Variants in CCPG1 observed in about 807,000 individuals in gnomAD.
CCPG1 encodes the protein cell cycle progression 1.
CCPG1 carries 46 observed loss-of-function variants against 81.3 expected under a neutral mutation model. The observed-to-expected ratio is 0.57, with a 90% CI of 0.45 to 0.72. CCPG1 has a LOEUF of 0.72. Among genes scored for constraint, CCPG1 ranks in the 30% least tolerant of loss-of-function variants. The pLI is 0.00. For missense variants in CCPG1, 902 were observed against 937.6 expected (o/e 0.96, Z 0.50); for synonymous variants, 330 against 305.2 (o/e 1.08, Z -0.85).
chr15:55,379,332 GGGC>G (rs2056632306), intron 3 of CCPG1, among the ~76,000 whole-genome samples: 1 of 151,830 alleles, frequency 6.6e-6, no homozygotes, highest in Non-Finnish European at 1.5e-5. Context: ...AGACCAGCCT[GGGC>G]AACACAGCAA....
intron 6 of CCPG1, among the ~76,000 whole-genome samples, chr15:55,370,542 G>C (rs2056424661): frequency 6.6e-6 from 1 of 152,160 alleles, no homozygotes; most frequent in African/African-American, 2.4e-5. Flanking sequence ...TATAATCCCA[G>C]CACTCTGGGA....
intron 2 of CCPG1, among the ~76,000 whole-genome samples, chr15:55,387,433 T>A (rs1161226059): frequency 6.6e-6 from 1 of 152,254 alleles, no homozygotes. Context: ...ATAGATGCTT[T>A]TAAATTTTGA....
At chr15:55,376,119 C>T (rs2056559769) in intron 5 of CCPG1, among the ~76,000 whole-genome samples, 1 of 152,142 alleles carries the variant, frequency 6.6e-6, no homozygotes, top group East Asian at 1.9e-4. Context: ...TAGATACTAC[C>T]TGTTTCCTGT....
At chr15:55,380,722 C>A (rs1411291312) in intron 3 of CCPG1, among the ~76,000 whole-genome samples, 1 of 151,848 alleles carries the variant, frequency 6.6e-6, no homozygotes, top group Non-Finnish European at 1.5e-5. Context: ...AGTACTCGGC[C>A]GGGGTGCTGG....
intron 3 of CCPG1, among the ~76,000 whole-genome samples, chr15:55,379,179 T>TGTGTGTGTGTGTGC (rs772581269): frequency 6.9e-6 from 1 of 145,168 alleles, no homozygotes; most frequent in African/African-American, 2.7e-5. Context: ...TGTGTGTGTG[T>TGTGTGTGTGTGTGC]GTGTGTGTGT....
intron 5 of CCPG1, among the ~76,000 whole-genome samples, 157 bp downstream of exon 5, chr15:55,376,792 C>T (rs2056575032): frequency 6.6e-6 from 1 of 152,186 alleles, no homozygotes; most frequent in South Asian, 2.1e-4. Flanking sequence ...TAGCGAAACA[C>T]TAGGTATTAA....
chr15:55,406,810 T>C (rs1288975985), intron 1 of CCPG1, among the ~76,000 whole-genome samples: 2 of 152,224 alleles, frequency 1.3e-5, no homozygotes, highest in African/African-American at 4.8e-5. Flanking sequence ...CACTATTTTC[T>C]AAACTGTTTT....
chr15:55,364,643 G>C (rs1048664381), intron 7 of CCPG1, among the ~76,000 whole-genome samples: 1 of 150,870 alleles, frequency 6.6e-6, no homozygotes, highest in African/African-American at 2.4e-5. Context: ...AGGAGACTGA[G>C]GTGGGTAGAC....
At chr15:55,365,139 A>T (rs1336184362) in intron 7 of CCPG1, 49 bp downstream of exon 7, 3 of 1,139,818 alleles carry the variant, frequency 2.6e-6, no homozygotes, top group Non-Finnish European at 2.5e-6. Flanking sequence ...CTAACTAATA[A>T]GCAAAATAAT....
rs544305127 is a variant in CCPG1, at chr15:55,393,118, T to A, written c.-9-3685A>T. ...AAACTCCGTCTCAAAATAAATAAAT[T>A]AATTAATTAAATTAAATAGCATATA... On this transcript the variant is annotated intron_variant, in intron 1 of 8. Coordinates refer to ENST00000442196, the MANE Select transcript of CCPG1 (RefSeq NM_001204450.2). 4.6e-4 allele frequency among the ~76,000 whole-genome samples: 70 copies of A among 151,974 alleles called. 1 individual carries two copies. The highest frequency in any genetic ancestry group is 1.3e-3 in the African/African-American group (55 of 41,444).
At chr15:55,374,633 T>A (rs967835474) in intron 5 of CCPG1, among the ~76,000 whole-genome samples, 4 of 152,152 alleles carry the variant, frequency 2.6e-5, no homozygotes, top group African/African-American at 4.8e-5. Flanking sequence ...ACAAAAACCA[T>A]CTTTTTTATT....
At chr15:55,364,439 G>A (rs1324495328) in intron 7 of CCPG1, among the ~76,000 whole-genome samples, 1 of 150,932 alleles carries the variant, frequency 6.6e-6, no homozygotes, top group Non-Finnish European at 1.5e-5. Flanking sequence ...TGAAAATAAT[G>A]TTAATAAAAA....
At position 55,377,163 on chromosome 15, in the gene CCPG1, A is replaced by C. The variant is rs2056583768; in HGVS notation, c.253-13T>G. On this transcript the variant is annotated splice_polypyrimidine_tract_variant and intron_variant, in intron 4 of 8. Coordinates refer to ENST00000442196, the MANE Select transcript of CCPG1 (RefSeq NM_001204450.2). ...TTTGTTCCTCTGCCTGAAGAATCAT[A>C]ATTTTAGAGATGGTAAGTTCAACAA... The C allele has an allele frequency of 1.0e-5, 16 of 1,576,212 alleles. No homozygotes were observed. In the East Asian group the frequency reaches 3.4e-4, roughly 33 times the overall value.
intron 3 of CCPG1, among the ~76,000 whole-genome samples, chr15:55,383,348 T>G (rs2056739167): frequency 1.3e-5 from 2 of 152,248 alleles, no homozygotes; most frequent in African/African-American, 2.4e-5. Flanking sequence ...TAGGCTTTGT[T>G]GTTCCATTTA....
At chr15:55,362,043 G>A (rs994602231) in intron 7 of CCPG1, among the ~76,000 whole-genome samples, 1 of 152,158 alleles carries the variant, frequency 6.6e-6, no homozygotes, top group African/African-American at 2.4e-5. Context: ...ACCCGTGGTA[G>A]AAATCATGGT....
intron 5 of CCPG1, chr15:55,372,888 C>A: frequency 1.9e-6 from 1 of 518,114 alleles, no homozygotes; most frequent in Middle Eastern, 3.2e-4. Context: ...CCTAATTAGC[C>A]CATGATCAAG....
intron 1 of CCPG1, 107 bp from the exon 2 acceptor site, chr15:55,389,540 G>A (rs2056873004): frequency 1.3e-6 from 1 of 750,288 alleles, no homozygotes; most frequent in Non-Finnish European, 2.4e-6. Flanking sequence ...TCTTCCAGGT[G>A]AAACAGAGAC....
At position 55,359,371 on chromosome 15, in the gene CCPG1, A is replaced by G. The variant is rs1006066289; in HGVS notation, c.2234+168T>C. The G allele has an allele frequency of 3.2e-5, 45 of 1,389,034 alleles. No homozygotes were observed. The African/African-American group carries it at 6.4e-4, about 20-fold the overall frequency. The allele number at this position is 1,389,034 out of a possible 1,614,324, so 86.0% of individuals were successfully genotyped here. ...ATGAAATGTTCCATTTGTAACAGCT[A>G]ATAATTTTTAGACTCCATCTTTCAA... On this transcript the variant is annotated intron_variant, in intron 8 of 8. Transcript: ENST00000442196.
chr15:55,360,832 A>G lies in CCPG1; in HGVS notation c.941T>C (p.Leu314Ser). 1 of 1,612,124 alleles carries G rather than the reference A, an allele frequency of 6.2e-7. No individual in the cohort carries two copies. The highest frequency in any genetic ancestry group is 1.3e-5 in the African/African-American group (1 of 74,816). ...ATENQYLRVS[L>S]EKEEKALSSL... ...GGATAAGGCTTTTTCTTCCTTCTCC[A>G]AGGATACTCTTAAATACTGATTTTC... The change falls in exon 8 of 9, where the codon TTG becomes TCG. Residue 314 changes from leucine to serine, a missense_variant. Transcript: ENST00000442196.
Sources: allele counts gnomAD v4.1 joint callset (sites outside exome capture counted in the v4.1 genomes callset), GRCh38; gene constraint gnomAD v4.1.1; transcripts MANE v1.5; gene names NCBI Gene and HGNC (gene_info 2026-07-23, HGNC 2026-07-21).